The following QKI variants were observed in gnomAD, a reference collection of about 807,000 sequenced individuals.
The protein encoded by QKI is KH domain-containing RNA-binding protein QKI.
In QKI, 10 loss-of-function variants were observed where a neutral mutation model predicts 39.0. That is an observed-to-expected ratio of 0.26 (90% confidence interval 0.16 to 0.43). The LOEUF (loss-of-function observed/expected upper bound fraction) is 0.43. QKI is among the 20% of genes least tolerant of loss of function. The probability of loss-of-function intolerance (pLI) is 1.00; values close to 1 mark genes in which losing one functional copy is unlikely to be tolerated. For missense variants in QKI, 218 were observed against 428.0 expected (o/e 0.51, Z 4.33); for synonymous variants, 204 against 155.4 (o/e 1.31, Z -2.33).
chr6:163,467,651 A>G (rs1053546357), intron 2 of QKI, among the ~76,000 whole-genome samples: 1 of 152,230 alleles, frequency 6.6e-6, no homozygotes, highest in Non-Finnish European at 1.5e-5. Context: ...AATGTTAATT[A>G]TATTTTATAA....
Position 163,414,975 on chromosome 6 carries a change from T to G in QKI, c.-219T>G. Reference sequence around the variant, plus strand: ...CCGGGCGGCCGAGAGCGGCGGCGGCTGGGAGCGCGTCGGGCCCGGGCGGAA... The same window carrying G: ...CCGGGCGGCCGAGAGCGGCGGCGGCGGGGAGCGCGTCGGGCCCGGGCGGAA... On this transcript the variant is annotated 5_prime_UTR_variant, in exon 1 of 8. Coordinates refer to ENST00000361752, the MANE Select transcript of QKI (RefSeq NM_006775.3). 1 of 215,322 alleles carries G rather than the reference T, an allele frequency of 4.6e-6. No homozygotes were observed. The highest frequency in any genetic ancestry group is 7.6e-6 in the Non-Finnish European group (1 of 130,746). 13.3% of individuals were successfully genotyped at this position (215,322 alleles called of 1,614,324 possible).
intron 2 of QKI, among the ~76,000 whole-genome samples, chr6:163,474,059 T>G (rs979652238): frequency 4.6e-5 from 7 of 152,172 alleles, no homozygotes; most frequent in African/African-American, 1.7e-4. Context: ...GCAGTTGAAA[T>G]CCACTGCAAT....
At position 163,535,041 on chromosome 6, in the gene QKI, A is replaced by G; in HGVS notation, c.462A>G (p.Leu154=). The G allele has an allele frequency of 1.9e-6, 3 of 1,612,354 alleles. No individual in the cohort carries two copies. Among genetic ancestry groups the G allele is most frequent in the African/African-American group, 1.3e-5 (1 of 74,996 alleles). Residue 154 remains leucine, a synonymous_variant, in exon 4 of 8, where the codon CTA becomes CTG. Coordinates refer to ENST00000361752, the MANE Select transcript of QKI (RefSeq NM_006775.3). ...ATCTAAATGAAGATTTACATGTACT[A>G]ATCACTGTGGAAGATGCTCAGAACA... ...WEHLNEDLHV[L]ITVEDAQNRA...
chr6:163,476,857 T>G (rs1562470241), intron 2 of QKI, among the ~76,000 whole-genome samples: 1 of 152,182 alleles, frequency 6.6e-6, no homozygotes, highest in Non-Finnish European at 1.5e-5. Context: ...TGTGACTGTA[T>G]GGCAAACTTT....
At chr6:163,508,655 A>C (rs1336569517) in intron 3 of QKI, among the ~76,000 whole-genome samples, 1 of 151,002 alleles carries the variant, frequency 6.6e-6, no homozygotes, top group Non-Finnish European at 1.5e-5. Flanking sequence ...TCAGCCTCCC[A>C]AGTAGCTGGG....
chr6:163,468,085 C>T (rs1415982428), intron 2 of QKI, among the ~76,000 whole-genome samples: 3 of 152,082 alleles, frequency 2.0e-5, no homozygotes, highest in Non-Finnish European at 4.4e-5. Flanking sequence ...CTAGTGTTGA[C>T]TAGATTGGGT....
At chr6:163,557,148 A>G (rs1181137257) in intron 4 of QKI, among the ~76,000 whole-genome samples, 1 of 152,256 alleles carries the variant, frequency 6.6e-6, no homozygotes, top group East Asian at 1.9e-4. Context: ...GATGAACTAC[A>G]GCGACATGCA....
chr6:163,498,348 A>G (rs530802946), intron 3 of QKI, among the ~76,000 whole-genome samples: 4 of 152,210 alleles, frequency 2.6e-5, no homozygotes, highest in African/African-American at 7.2e-5. Flanking sequence ...GAGCAACTTT[A>G]TACAGAAAAT....
At chr6:163,564,461 T>C in intron 6 of QKI, 4 of 1,411,690 alleles carry the variant, frequency 2.8e-6, no homozygotes, top group Non-Finnish European at 3.7e-6. Flanking sequence ...TTTTCAGTTC[T>C]TGTGTTTTGG....
intron 1 of QKI, among the ~76,000 whole-genome samples, chr6:163,454,050 AC>A (rs1790760395): frequency 6.6e-6 from 1 of 152,196 alleles, no homozygotes; most frequent in African/African-American, 2.4e-5. Context: ...TGGAAAGCAT[AC>A]AAAATACATT....
intron 3 of QKI, among the ~76,000 whole-genome samples, chr6:163,486,935 GA>G (rs1462078555): frequency 9.8e-5 from 15 of 152,302 alleles, no homozygotes; most frequent in African/African-American, 3.6e-4. Context: ...CATTCATAGT[GA>G]TATGCAAAAA....
intron 4 of QKI, among the ~76,000 whole-genome samples, chr6:163,545,088 C>T (rs535024188): frequency 6.6e-6 from 1 of 152,224 alleles, no homozygotes; most frequent in South Asian, 2.1e-4. Flanking sequence ...TTCTGCAGAG[C>T]TCCTTGGAAT....
intron 2 of QKI, among the ~76,000 whole-genome samples, chr6:163,469,264 G>A (rs1191510175): frequency 6.6e-6 from 1 of 152,090 alleles, no homozygotes; most frequent in Admixed American, 6.6e-5. Flanking sequence ...TGCCAAACAA[G>A]GCTCTATATG....
In QKI at chr6:163,522,738, C is replaced by T. The variant is rs1026636626; in HGVS notation, c.403-12244C>T. Among the ~76,000 whole-genome samples the T allele has an allele frequency of 6.6e-5, 10 of 152,148 alleles. 1 individual carries two copies. Among genetic ancestry groups the T allele is most frequent in the African/African-American group, 2.4e-4 (10 of 41,424 alleles). On this transcript the variant is annotated intron_variant, in intron 3 of 7. Transcript: ENST00000361752. Reference sequence around the variant, plus strand: ...TTCATTTATGCCAACATAGCTCTTCCATACACACATAAATACGTATTCCTG... The same window carrying T: ...TTCATTTATGCCAACATAGCTCTTCTATACACACATAAATACGTATTCCTG...
chr6:163,518,637 T>C (rs913045034), intron 3 of QKI, among the ~76,000 whole-genome samples: 6 of 151,970 alleles, frequency 3.9e-5, no homozygotes, highest in African/African-American at 1.5e-4. Context: ...TATTAAAAAA[T>C]ATTATATTTC....
intron 3 of QKI, among the ~76,000 whole-genome samples, chr6:163,533,440 TG>T (rs2128240861): frequency 6.6e-6 from 1 of 152,354 alleles, no homozygotes; most frequent in African/African-American, 2.4e-5. Context: ...ACATTTTATT[TG>T]TAAATAACCA....
intron 4 of QKI, among the ~76,000 whole-genome samples, chr6:163,540,576 A>G (rs1431928308): frequency 1.3e-5 from 2 of 152,174 alleles, no homozygotes; most frequent in African/African-American, 4.8e-5. Context: ...TATAAGGGCA[A>G]TTATACTTGT....
chr6:163,494,526 G>A (rs1778277882), intron 3 of QKI, among the ~76,000 whole-genome samples: 2 of 152,184 alleles, frequency 1.3e-5, no homozygotes, highest in African/African-American at 4.8e-5. Flanking sequence ...ATAAAAATCT[G>A]AGTCACCCAA....
Position 163,457,780 on chromosome 6 carries a change from T to G in QKI, c.285+2359T>G, listed in dbSNP as rs1404088168. On this transcript the variant is annotated intron_variant, in intron 2 of 7. Coordinates refer to ENST00000361752, the MANE Select transcript of QKI (RefSeq NM_006775.3). The stretch of plus-strand genomic sequence containing the variant: ...ATGAATTAAACAGTGTCACTGGTCT[T>G]GTGGAGTGGACATTTCAGTGACAAA... 2.6e-5 allele frequency among the ~76,000 whole-genome samples: 4 copies of G among 152,040 alleles called. No individual in the cohort carries two copies. In the South Asian group the frequency reaches 8.3e-4, roughly 32 times the overall value.
Sources: gnomAD v4.1 joint callset for allele counts (sites outside exome capture counted in the v4.1 genomes callset) on GRCh38, gnomAD v4.1.1 for gene constraint, MANE v1.5 for transcripts, NCBI Gene and HGNC (gene_info 2026-07-23, HGNC 2026-07-21) for gene names.